The following LINGO2 variants were observed in gnomAD, a reference collection of about 807,000 sequenced individuals.
LINGO2 encodes leucine-rich repeat and immunoglobulin-like domain-containing nogo receptor-interacting protein 2.
A neutral mutation model predicts 30.6 loss-of-function variants in LINGO2; 14 were observed. The ratio of observed to expected loss-of-function variants is 0.46; its 90% CI spans 0.30 to 0.72. LINGO2 has a LOEUF of 0.72. LINGO2 is among the 30% of genes least tolerant of loss of function. The probability of loss-of-function intolerance (pLI) is 0.07; values close to 1 mark genes in which losing one functional copy is unlikely to be tolerated. For synonymous variants in LINGO2, 317 were observed against 288.5 expected (o/e 1.10, Z -1.00); for missense variants, 729 against 751.7 (o/e 0.97, Z 0.35).
chr9:28,031,730 C>T (rs544300853), intron 4 of LINGO2, among the ~76,000 whole-genome samples: 19 of 152,296 alleles, frequency 1.2e-4, no homozygotes, highest in Non-Finnish European at 2.8e-4. Context: ...TTGGGAATAC[C>T]TGGGAGACCT....
chr9:28,484,929 G>T (rs747422000), intron 1 of LINGO2, among the ~76,000 whole-genome samples: 1 of 151,996 alleles, frequency 6.6e-6, no homozygotes, highest in Non-Finnish European at 1.5e-5. Flanking sequence ...TCTTAGAGAG[G>T]GATGGAAAGA....
chr9:28,880,939 A>G, the LINGO2 span, among the ~76,000 whole-genome samples: 18 of 152,234 alleles, frequency 1.2e-4, no homozygotes, highest in Middle Eastern at 3.4e-3. Flanking sequence ...TAATTATGAC[A>G]TAGATTCTTT....
chr9:28,286,013 A>C (rs999615686), intron 4 of LINGO2, among the ~76,000 whole-genome samples: 2 of 152,218 alleles, frequency 1.3e-5, no homozygotes, highest in Non-Finnish European at 2.9e-5. Flanking sequence ...TTATCCATAA[A>C]GGCAACATGA....
At chr9:29,079,985 A>G in the LINGO2 span, among the ~76,000 whole-genome samples, 2 of 152,080 alleles carry the variant, frequency 1.3e-5, no homozygotes, top group Non-Finnish European at 2.9e-5. Flanking sequence ...GTCACAAATG[A>G]CAGGAAAATG....
chr9:28,952,056 A>T, the LINGO2 span, among the ~76,000 whole-genome samples: 1 of 152,040 alleles, frequency 6.6e-6, no homozygotes, highest in Non-Finnish European at 1.5e-5. Flanking sequence ...TAGTTCTCAA[A>T]CACATTTGTC....
At chr9:28,044,833 A>T (rs1188459464) in intron 4 of LINGO2, among the ~76,000 whole-genome samples, 1 of 152,180 alleles carries the variant, frequency 6.6e-6, no homozygotes, top group Non-Finnish European at 1.5e-5. Context: ...TAGGTTGAAG[A>T]GAAAGCTGAA....
At chr9:28,029,366 A>C (rs964125470) in intron 4 of LINGO2, among the ~76,000 whole-genome samples, 1 of 152,190 alleles carries the variant, frequency 6.6e-6, no homozygotes, top group Non-Finnish European at 1.5e-5. Context: ...CAATATATTG[A>C]CAAACACTAA....
intron 1 of LINGO2, among the ~76,000 whole-genome samples, chr9:28,504,775 C>T (rs1022562554): frequency 5.3e-5 from 8 of 151,718 alleles, no homozygotes; most frequent in African/African-American, 1.9e-4. Context: ...TATAAGTTAG[C>T]TGGGAAATAA....
the LINGO2 span, among the ~76,000 whole-genome samples, chr9:28,924,672 C>A: frequency 6.6e-6 from 1 of 152,218 alleles, no homozygotes; most frequent in Admixed American, 6.5e-5. Context: ...ACATGTTATA[C>A]TACTCTTCCT....
chr9:28,142,320 A>C (rs1221742363), intron 4 of LINGO2, among the ~76,000 whole-genome samples: 1 of 152,128 alleles, frequency 6.6e-6, no homozygotes, highest in East Asian at 1.9e-4. Flanking sequence ...GTTTCCTTAA[A>C]GTAAGTATTT....
intron 2 of LINGO2, among the ~76,000 whole-genome samples, chr9:28,418,692 C>T (rs1412237): frequency 0.037 from 5,558 of 152,018 alleles, 344 homozygotes; most frequent in African/African-American, 0.12. Context: ...AGATTGGGGG[C>T]TTAGCATATA....
chr9:29,029,862 AG>A, the LINGO2 span, among the ~76,000 whole-genome samples: 35 of 126,746 alleles, frequency 2.8e-4, no homozygotes, highest in South Asian at 7.1e-3. Flanking sequence ...AGAAGCTTTC[AG>A]TTTTTTTTTT....
chr9:28,098,228 G>C (rs1839966), intron 4 of LINGO2, among the ~76,000 whole-genome samples: 143,338 of 152,150 alleles, frequency 0.94, 67,565 homozygotes, highest in South Asian at 0.99. Context: ...TCGCTTGAAC[G>C]CAGGAGGCTG....
the LINGO2 span, among the ~76,000 whole-genome samples, chr9:29,046,708 A>G: frequency 1.3e-5 from 2 of 152,184 alleles, no homozygotes; most frequent in Non-Finnish European, 2.9e-5. Flanking sequence ...TAAAGCCACC[A>G]AAAACAATCA....
chr9:29,134,245 TA>T, the LINGO2 span, among the ~76,000 whole-genome samples: 7 of 152,104 alleles, frequency 4.6e-5, no homozygotes, highest in Admixed American at 4.6e-4. Flanking sequence ...TCAGTAATAA[TA>T]AAGGGTATAT....
At chr9:28,917,101 C>A in the LINGO2 span, among the ~76,000 whole-genome samples, 1 of 152,102 alleles carries the variant, frequency 6.6e-6, no homozygotes, top group Non-Finnish European at 1.5e-5. Context: ...TGAATCTCAG[C>A]CCTGTGGAAA....
the LINGO2 span, among the ~76,000 whole-genome samples, chr9:28,890,610 C>T: frequency 6.6e-6 from 1 of 152,062 alleles, no homozygotes; most frequent in Admixed American, 6.6e-5. Context: ...TTAATCTCTA[C>T]TAGGGCTGGG....
chr9:28,338,596 T>C (rs1012437062), intron 3 of LINGO2, among the ~76,000 whole-genome samples: 18 of 152,136 alleles, frequency 1.2e-4, no homozygotes, highest in Non-Finnish European at 2.4e-4. Context: ...TTCCCCCATG[T>C]AGTGGGAGGG....
intron 4 of LINGO2, among the ~76,000 whole-genome samples, chr9:28,248,557 C>T (rs1417374742): frequency 6.6e-6 from 1 of 152,094 alleles, no homozygotes; most frequent in Admixed American, 6.5e-5. Flanking sequence ...TTTGGTAGCA[C>T]ATCAGGGGGA....
Sources: gnomAD v4.1 joint callset for allele counts (sites outside exome capture counted in the v4.1 genomes callset) on GRCh38, gnomAD v4.1.1 for gene constraint, MANE v1.5 for transcripts, NCBI Gene and HGNC (gene_info 2026-07-23, HGNC 2026-07-21) for gene names.